The following CDK12 variants were observed in gnomAD, a reference collection of about 807,000 sequenced individuals.
The protein encoded by CDK12 is cyclin dependent kinase 12.
CDK12 carries 17 observed loss-of-function variants against 133.8 expected under a neutral mutation model. That is an observed-to-expected ratio of 0.13 (90% CI 0.09 to 0.19). CDK12 has a LOEUF of 0.19. Among genes scored for constraint, CDK12 ranks in the 10% least tolerant of loss-of-function variants. The pLI is 1.00. For missense variants in CDK12, 1,508 were observed against 1,818.7 expected (o/e 0.83, Z 3.11); for synonymous variants, 694 against 683.6 (o/e 1.02, Z -0.24).
chr17:39,542,318 C>T (rs1433960459), intron 1 of CDK12, among the ~76,000 whole-genome samples: 1 of 151,424 alleles, frequency 6.6e-6, no homozygotes, highest in Non-Finnish European at 1.5e-5. Context: ...TCCCGAGTAA[C>T]TAATGGCTAA....
chr17:39,491,528 G>A (rs966953574), intron 3 of CDK12, among the ~76,000 whole-genome samples: 1 of 151,966 alleles, frequency 6.6e-6, no homozygotes, highest in Non-Finnish European at 1.5e-5. Context: ...GAGCCACCGC[G>A]TCCGGCCTTA....
intron 12 of CDK12, among the ~76,000 whole-genome samples, 159 bp downstream of exon 12, chr17:39,525,044 T>C (rs1438923973): frequency 6.6e-6 from 1 of 152,242 alleles, no homozygotes; most frequent in Non-Finnish European, 1.5e-5. Flanking sequence ...AGAAGGAGAT[T>C]AACCAAGTTT....
Position 39,461,996 on chromosome 17 carries a change from G to GT in CDK12, c.-74dup, listed in dbSNP as rs2048990769. The GT allele has an allele frequency of 8.5e-7, 1 of 1,181,362 alleles. No homozygotes were observed. The highest frequency in any genetic ancestry group is 1.2e-6 in the Non-Finnish European group (1 of 863,692). The allele number at this position is 1,181,362 out of a possible 1,614,324, so 73.2% of individuals were successfully genotyped here. ...GCGCTTTGGTGGGCGTGGAGTTGGG[G>GT]TTGGGGGGGTGGGTGGGGGTTGCTT... is the stretch of plus-strand genomic sequence containing the variant. On this transcript the variant is annotated 5_prime_UTR_variant, in exon 1 of 14. Coordinates refer to ENST00000447079, the MANE Select transcript of CDK12 (RefSeq NM_016507.4).
chr17:39,470,135 A>ATT (rs760342647), intron 1 of CDK12, among the ~76,000 whole-genome samples: 24 of 139,702 alleles, frequency 1.7e-4, no homozygotes, highest in Non-Finnish European at 3.0e-4. Context: ...AGTTTAATCT[A>ATT]TTTTTTTTTT....
At chr17:39,499,209 T>TC (rs2052511787) in intron 5 of CDK12, among the ~76,000 whole-genome samples, 2 of 29,976 alleles carry the variant, frequency 6.7e-5, no homozygotes, top group Non-Finnish European at 5.9e-5. Flanking sequence ...CTTTCTTTCC[T>TC]TTTTTTTTTT....
chr17:39,471,925 G>A (rs1036906616), intron 2 of CDK12, among the ~76,000 whole-genome samples, 162 bp downstream of exon 2: 1 of 152,136 alleles, frequency 6.6e-6, no homozygotes, highest in African/African-American at 2.4e-5. Flanking sequence ...CTTGGGAAGA[G>A]AGAATTAGAA....
chr17:39,473,277 AAG>A lies in CDK12; in HGVS notation c.1931+1516_1931+1517del, dbSNP rs1491497855. On this transcript the variant is annotated intron_variant, in intron 2 of 13. Transcript: ENST00000447079. ...TTTGAAAAGGGCTGCTTTAAAAAAA[AAG>A]AAATTATTCCATAAAAAGTAAAAGA... 2.0e-5 allele frequency among the ~76,000 whole-genome samples: 3 copies of A among 152,146 alleles called. No individual in the cohort carries two copies. In the East Asian group the frequency reaches 5.8e-4, roughly 29 times the overall value.
At chr17:39,480,344 A>G (rs2050547063) in intron 2 of CDK12, among the ~76,000 whole-genome samples, 1 of 150,842 alleles carries the variant, frequency 6.6e-6, no homozygotes, top group Non-Finnish European at 1.5e-5. Context: ...GCTCACTGTA[A>G]CCTCCATCTC....
chr17:39,512,031 G>A (rs1390846652), intron 8 of CDK12, among the ~76,000 whole-genome samples: 4 of 152,004 alleles, frequency 2.6e-5, no homozygotes, highest in African/African-American at 9.7e-5. Context: ...TCTGGATTTC[G>A]CAGATTGTAT....
At chr17:39,490,524 T>C in intron 2 of CDK12, 33 bp from the exon 3 acceptor site, 2 of 1,491,148 alleles carry the variant, frequency 1.3e-6, no homozygotes, top group Non-Finnish European at 1.8e-6. Context: ...TCTTTAATTG[T>C]AATTTTGTCA....
intron 4 of CDK12, among the ~76,000 whole-genome samples, chr17:39,494,292 C>T (rs1023060437): frequency 5.9e-5 from 9 of 152,220 alleles, no homozygotes; most frequent in East Asian, 3.9e-4. Context: ...AGGCTGGTCT[C>T]GAATTCCTAA....
At chr17:39,496,884 A>G (rs898168352) in intron 5 of CDK12, among the ~76,000 whole-genome samples, 2 of 145,454 alleles carry the variant, frequency 1.4e-5, no homozygotes, top group Non-Finnish European at 3.0e-5. Flanking sequence ...TGTCCATCTC[A>G]GTGTATCCTC....
chr17:39,461,998 TGG>T lies in CDK12; in HGVS notation c.-68_-67del. Reference sequence around the variant, plus strand: ...GCTTTGGTGGGCGTGGAGTTGGGGTTGGGGGGGTGGGTGGGGGTTGCTTTTTG... The same window carrying T: ...GCTTTGGTGGGCGTGGAGTTGGGGTTGGGGGTGGGTGGGGGTTGCTTTTTG... On this transcript the variant is annotated 5_prime_UTR_variant, in exon 1 of 14. Transcript: ENST00000447079. 1 of 962,728 alleles carries T rather than the reference TGG, an allele frequency of 1.0e-6. No individual in the cohort carries two copies. The highest frequency in any genetic ancestry group is 1.4e-6 in the Non-Finnish European group (1 of 728,190). The allele number at this position is 962,728 out of a possible 1,614,324, so 59.6% of individuals were successfully genotyped here.
rs761759631 is a variant in CDK12 at position 39,471,459 on chromosome 17, A to G, written c.1627A>G (p.Thr543Ala). 2.9e-5 allele frequency: 46 copies of G among 1,606,064 alleles called. No homozygotes were observed. The South Asian group carries it at 4.5e-4, about 16-fold the overall frequency. ...TCCCCCACCCCCTCTACCAACTACT[A>G]CCCCTCCACCTCAGACACCCCCTTT... ...ASPPPPLPTT[T>A]PPPQTPPLPP... Residue 543 changes from threonine (T) to alanine (A), a missense_variant, in exon 2 of 14, where the codon ACC becomes GCC. Physicochemically the swap from Thr to Ala is moderately conservative, Grantham distance 58. Around this residue, in one of 9 missense-constraint regions of CDK12, gnomAD observed 347 missense variants for 330.8 expected, o/e 1.05. Coordinates refer to ENST00000447079, the MANE Select transcript of CDK12 (RefSeq NM_016507.4).
At chr17:39,560,805 A>G (rs2056345502) in intron 3 of CDK12, among the ~76,000 whole-genome samples, 1 of 152,222 alleles carries the variant, frequency 6.6e-6, no homozygotes. Context: ...CTTGAGGTCC[A>G]GGAGTTTGAG....
rs146309349 is a variant in CDK12, at chr17:39,466,136, C to T, written c.1046+3019C>T. On this transcript the variant is annotated intron_variant, in intron 1 of 13. Coordinates refer to ENST00000447079, the MANE Select transcript of CDK12 (RefSeq NM_016507.4). Reference sequence around the variant, plus strand: ...CAGCCTGGCCAGCGTGGTGAAACCCCGTCCCTACTAAAAATACAAAAATTA... The same window carrying T: ...CAGCCTGGCCAGCGTGGTGAAACCCTGTCCCTACTAAAAATACAAAAATTA... Among the ~76,000 whole-genome samples, 258 of 150,390 alleles carry T rather than the reference C, an allele frequency of 1.7e-3. 6 individuals carry two copies. The East Asian group carries it at 0.039, about 23-fold the overall frequency.
At chr17:39,519,009 C>G (rs1031059785) in intron 10 of CDK12, among the ~76,000 whole-genome samples, 1 of 152,084 alleles carries the variant, frequency 6.6e-6, no homozygotes, top group Non-Finnish European at 1.5e-5. Flanking sequence ...TTAAGTGATT[C>G]TCCTGCCTTA....
intron 7 of CDK12, among the ~76,000 whole-genome samples, chr17:39,511,106 T>C (rs2053477467): frequency 6.7e-6 from 1 of 149,258 alleles, no homozygotes; most frequent in Non-Finnish European, 1.5e-5. Flanking sequence ...TCCCAGCTAC[T>C]TGGGAGGCTG....
intron 11 of CDK12, among the ~76,000 whole-genome samples, chr17:39,521,434 T>A (rs1200983123): frequency 6.6e-6 from 1 of 151,850 alleles, no homozygotes; most frequent in Non-Finnish European, 1.5e-5. Flanking sequence ...GGCTAATTTT[T>A]GTATTTTTAG....
Sources: allele counts gnomAD v4.1 joint callset (sites outside exome capture counted in the v4.1 genomes callset), GRCh38; gene constraint gnomAD v4.1.1; regional missense constraint gnomAD v4.1.1; transcripts MANE v1.5; gene names NCBI Gene and HGNC (gene_info 2026-07-23, HGNC 2026-07-21).